The following TENM3 variants were observed in gnomAD, a reference collection of about 807,000 sequenced individuals.
The protein encoded by TENM3 is teneurin transmembrane protein 3.
In TENM3, 63 loss-of-function variants were observed where a neutral mutation model predicts 255.1. The ratio of observed to expected loss-of-function variants is 0.25; its 90% CI spans 0.20 to 0.30. The LOEUF (loss-of-function observed/expected upper bound fraction) is 0.30, where lower values mean the gene tolerates loss of function less well. TENM3 is among the 10% of genes least tolerant of loss of function. The pLI is 1.00. For synonymous variants in TENM3, 1,306 were observed against 1,322.3 expected, an observed-to-expected ratio of 0.99 and a Z score of 0.27; for missense variants, 2,929 against 3,461.1, an observed-to-expected ratio of 0.85 and a Z score of 3.86.
chr4:182,281,319 A>T (rs571391070), intron 1 of TENM3, among the ~76,000 whole-genome samples: 1 of 152,324 alleles, frequency 6.6e-6, no homozygotes, highest in African/African-American at 2.4e-5. Context: ...GATATATTTA[A>T]AGATATTCCC....
At chr4:181,675,826 A>G in the TENM3 span, among the ~76,000 whole-genome samples, 1 of 29,138 alleles carries the variant, frequency 3.4e-5, no homozygotes, top group African/African-American at 1.2e-4. Flanking sequence ...AACTTCTTCA[A>G]TTCAATTAGT....
upstream of TENM3, among the ~76,000 whole-genome samples, chr4:182,140,990 T>G (rs111405992): frequency 1.2e-4 from 7 of 56,282 alleles, no homozygotes; most frequent in East Asian, 6.8e-4. Flanking sequence ...ATTATATCCC[T>G]CCCCCCCGCC....
chr4:181,849,015 G>C, the TENM3 span, among the ~76,000 whole-genome samples: 3 of 152,162 alleles, frequency 2.0e-5, no homozygotes. Context: ...GTGAGCTACA[G>C]ATGGATAAGC....
chr4:182,168,438 A>G (rs979535140), intron 1 of TENM3, among the ~76,000 whole-genome samples: 28 of 152,138 alleles, frequency 1.8e-4, no homozygotes, highest in African/African-American at 6.8e-4. Context: ...CCCAGCCCAC[A>G]TATGTATTTT....
intron 3 of TENM3, among the ~76,000 whole-genome samples, chr4:182,406,338 G>C (rs370242379): frequency 1.3e-5 from 2 of 151,990 alleles, no homozygotes; most frequent in Non-Finnish European, 2.9e-5. Context: ...AAAAAATAAG[G>C]CTTTTGCAGA....
chr4:182,110,113 CAAAAA>C, the TENM3 span, among the ~76,000 whole-genome samples: 1 of 109,652 alleles, frequency 9.1e-6, no homozygotes, highest in Non-Finnish European at 1.9e-5. Flanking sequence ...GACTCTGTCT[CAAAAA>C]AAAAAAAAAA....
intron 13 of TENM3, 44 bp from the exon 14 acceptor site, chr4:182,728,921 A>G (rs1387700414): frequency 6.5e-7 from 1 of 1,529,464 alleles, no homozygotes; most frequent in Non-Finnish European, 9.0e-7. Context: ...ACATTATGGC[A>G]TCAAAAGGAA....
intron 3 of TENM3, among the ~76,000 whole-genome samples, chr4:182,517,004 A>G (rs955288669): frequency 1.3e-5 from 2 of 152,164 alleles, no homozygotes; most frequent in Admixed American, 1.3e-4. Flanking sequence ...TGTATTTCAT[A>G]TAAGAAAAAA....
chr4:182,740,707 C>T (rs771153422), intron 18 of TENM3, among the ~76,000 whole-genome samples: 3 of 152,038 alleles, frequency 2.0e-5, no homozygotes, highest in East Asian at 3.9e-4. Flanking sequence ...ATACAACACA[C>T]GATATTATAT....
the TENM3 span, among the ~76,000 whole-genome samples, chr4:181,704,051 G>T: frequency 6.6e-6 from 1 of 152,076 alleles, no homozygotes; most frequent in Non-Finnish European, 1.5e-5. Context: ...TGAGGGAGGT[G>T]GATGCGGTCA....
chr4:181,989,642 G>T, the TENM3 span, among the ~76,000 whole-genome samples: 1 of 152,034 alleles, frequency 6.6e-6, no homozygotes, highest in Non-Finnish European at 1.5e-5. Context: ...AGCCAAACTG[G>T]CTGTCTATGC....
chr4:182,385,761 G>A (rs6857022), intron 3 of TENM3, among the ~76,000 whole-genome samples: 151,681 of 152,354 alleles, frequency 1, 75,505 homozygotes, highest in Middle Eastern at 1. Flanking sequence ...TCAACAAGAA[G>A]CTGATATAAA....
chr4:181,887,425 C>T, the TENM3 span, among the ~76,000 whole-genome samples: 1 of 152,120 alleles, frequency 6.6e-6, no homozygotes, highest in Admixed American at 6.6e-5. Flanking sequence ...AGTAATGATA[C>T]CTTTAATCTG....
At chr4:182,771,709 G>A (rs1764243815) in intron 22 of TENM3, among the ~76,000 whole-genome samples, 2 of 152,154 alleles carry the variant, frequency 1.3e-5, no homozygotes, top group Admixed American at 1.3e-4. Flanking sequence ...AAATAAACCA[G>A]TGCGTGTTTG....
rs575816300 is a variant in TENM3, at chr4:182,200,016, T to C, written c.-76+55262T>C. 2.6e-5 allele frequency among the ~76,000 whole-genome samples: 4 copies of C among 152,286 alleles called. No homozygotes were observed. The East Asian group carries it at 7.7e-4, about 29-fold the overall frequency. On this transcript the variant is annotated intron_variant, in intron 1 of 2. Coordinates refer to the TENM3 transcript ENST00000512480. The stretch of plus-strand genomic sequence containing the variant: ...TGCTGGGATTAGGCATGAGCCACTG[T>C]GCCCAGCCGCATATTTTAAGGTATA...
chr4:182,191,882 T>G lies in TENM3; in HGVS notation c.-76+47128T>G, dbSNP rs555467188. On this transcript the variant is annotated intron_variant, in intron 1 of 2. Transcript: ENST00000512480. ...CGCTGATCTACTTTTGCATCCCCAG[T>G]TGGTTACTGTTTTAATTTTATAATT... 2.0e-5 allele frequency among the ~76,000 whole-genome samples: 3 copies of G among 152,258 alleles called. No homozygotes were observed. In the South Asian group the frequency reaches 6.2e-4, roughly 32 times the overall value.
the TENM3 span, among the ~76,000 whole-genome samples, chr4:181,529,263 A>G: frequency 2.6e-5 from 4 of 152,186 alleles, no homozygotes; most frequent in Non-Finnish European, 5.9e-5. Flanking sequence ...AAAATGAATG[A>G]GAAATGGTAC....
At chr4:181,654,754 C>CAAAAAAAAAAAAAAAAAAAAAAAAAAA in the TENM3 span, among the ~76,000 whole-genome samples, 1 of 93,024 alleles carries the variant, frequency 1.1e-5, no homozygotes, top group Non-Finnish European at 2.0e-5. Context: ...AACTCCATCT[C>CAAAAAAAAAAAAAAAAAAAAAAAAAAA]AAAAAAAAAA....
intron 13 of TENM3, among the ~76,000 whole-genome samples, chr4:182,719,012 G>C (rs948808804): frequency 1.1e-4 from 16 of 152,068 alleles, no homozygotes; most frequent in East Asian, 5.8e-4. Flanking sequence ...TTCTCCAGAG[G>C]GAGATCTAGT....
Sources: allele counts gnomAD v4.1 joint callset (sites outside exome capture counted in the v4.1 genomes callset), GRCh38; gene constraint gnomAD v4.1.1; transcripts MANE v1.5; gene names NCBI Gene and HGNC (gene_info 2026-07-23, HGNC 2026-07-21).